The following BCLAF3 variants were observed in gnomAD, a reference collection of about 807,000 sequenced individuals.
BCLAF3 encodes transient octamer binding factor 1.
BCLAF3 carries 24 observed loss-of-function variants against 51.2 expected under a neutral mutation model. That is an observed-to-expected ratio of 0.47 (90% CI 0.34 to 0.66). The LOEUF (loss-of-function observed/expected upper bound fraction) is 0.66. BCLAF3 is among the 30% of genes least tolerant of loss of function. The pLI, the probability that BCLAF3 is intolerant of heterozygous loss-of-function variation, is 0.01. For missense variants in BCLAF3, 465 were observed against 525.1 expected, an observed-to-expected ratio of 0.89 and a Z score of 1.12; for synonymous variants, 152 against 176.6, an observed-to-expected ratio of 0.86 and a Z score of 1.10.
intron 9 of BCLAF3, 84 bp from the exon 10 acceptor site, chrX:19,935,982 TA>T: frequency 1.3e-6 from 1 of 768,403 alleles, no homozygotes; most frequent in Non-Finnish European, 2.0e-6. Context: ...AAACACATTT[TA>T]AATGTACAGG....
chrX:19,955,660 T>A (rs190090881), intron 4 of BCLAF3, 94 bp from the exon 5 acceptor site: 48 of 727,212 alleles, frequency 6.6e-5, no homozygotes, highest in Non-Finnish European at 8.0e-5. Flanking sequence ...ACTAGAAAGA[T>A]GTATATCTTT....
chrX:19,957,109 G>A (rs1447855148), intron 4 of BCLAF3, among the ~76,000 whole-genome samples: 1 of 111,650 alleles, frequency 9.0e-6, no homozygotes, highest in African/African-American at 3.3e-5. Context: ...GCGTTGCCAG[G>A]GTCAACTCCC....
intron 11 of BCLAF3, among the ~76,000 whole-genome samples, chrX:19,918,891 A>G (rs1008856781): frequency 3.6e-5 from 4 of 110,144 alleles, no homozygotes; most frequent in African/African-American, 1.3e-4. Flanking sequence ...AGCACTTCTT[A>G]TCTAGGTTTT....
At chrX:19,940,887 A>C (rs2071007057) in intron 8 of BCLAF3, among the ~76,000 whole-genome samples, 2 of 111,279 alleles carry the variant, frequency 1.8e-5, no homozygotes, top group Non-Finnish European at 3.8e-5. Context: ...AGTCCCACCA[A>C]CAGTGTAAAA....
intron 10 of BCLAF3, 39 bp from the exon 11 acceptor site, chrX:19,929,979 A>G (rs1290627249): frequency 8.5e-7 from 1 of 1,175,556 alleles, no homozygotes; most frequent in East Asian, 3.0e-5. Flanking sequence ...CTAAAACTAC[A>G]CCTTCCAAGT....
chrX:19,938,676 C>T (rs1421561762), intron 8 of BCLAF3, among the ~76,000 whole-genome samples: 6 of 112,762 alleles, frequency 5.3e-5, no homozygotes, highest in Non-Finnish European at 9.4e-5. Flanking sequence ...GGATTATAGG[C>T]GTGAGCCACC....
intron 1 of BCLAF3, among the ~76,000 whole-genome samples, chrX:19,989,147 AC>A (rs1462271705): frequency 6.4e-5 from 7 of 109,103 alleles, no homozygotes; most frequent in African/African-American, 2.4e-4. Flanking sequence ...AAAAAAAAAA[AC>A]CCTTATGTGC....
At chrX:19,949,262 CTT>C (rs1369988173) in intron 8 of BCLAF3, among the ~76,000 whole-genome samples, 1 of 111,742 alleles carries the variant, frequency 8.9e-6, no homozygotes, top group East Asian at 2.8e-4. Flanking sequence ...AAGTACAACT[CTT>C]ATCCCTATTT....
At chrX:19,981,531 C>G (rs555207437) in intron 1 of BCLAF3, among the ~76,000 whole-genome samples, 1 of 111,768 alleles carries the variant, frequency 8.9e-6, no homozygotes, top group African/African-American at 3.3e-5. Context: ...GCAGTTCCCC[C>G]ACAAGTTAAA....
chrX:19,984,558 A>G (rs1486556297), intron 1 of BCLAF3, among the ~76,000 whole-genome samples: 1 of 111,719 alleles, frequency 9.0e-6, no homozygotes, highest in African/African-American at 3.3e-5. Context: ...ATTACAAACA[A>G]TATGTCTGAT....
intron 8 of BCLAF3, among the ~76,000 whole-genome samples, chrX:19,948,062 C>T (rs765914666): frequency 1.8e-5 from 2 of 112,065 alleles, no homozygotes; most frequent in South Asian, 3.7e-4. Flanking sequence ...GAGTTGGCAA[C>T]GATGTGGAGC....
At chrX:19,981,978 T>C (rs950606173) in intron 1 of BCLAF3, among the ~76,000 whole-genome samples, 2 of 111,548 alleles carry the variant, frequency 1.8e-5, no homozygotes, top group African/African-American at 3.3e-5. Context: ...TCTATGAATA[T>C]ACTAAAAAAC....
At chrX:19,937,059 G>A (rs1457708660) in intron 9 of BCLAF3, among the ~76,000 whole-genome samples, 1 of 110,376 alleles carries the variant, frequency 9.1e-6, no homozygotes, top group Non-Finnish European at 1.9e-5. Flanking sequence ...TTTTTTTGTA[G>A]AGATGAGGTC....
intron 5 of BCLAF3, among the ~76,000 whole-genome samples, chrX:19,954,434 G>C (rs769821465): frequency 6.0e-4 from 67 of 112,118 alleles, no homozygotes; most frequent in Non-Finnish European, 9.6e-4. Context: ...CAGAGAAAGA[G>C]AATACACTTG....
intron 7 of BCLAF3, 35 bp from the exon 8 acceptor site, chrX:19,950,903 T>A (rs923915524): frequency 2.1e-6 from 2 of 971,704 alleles, no homozygotes; most frequent in African/African-American, 3.8e-5. Context: ...ACCATTCACA[T>A]TACTTTTAGT....
At chrX:19,956,667 A>G (rs761468817) in intron 4 of BCLAF3, among the ~76,000 whole-genome samples, 205 of 111,435 alleles carry the variant, frequency 1.8e-3, no homozygotes, top group Non-Finnish European at 3.2e-3. Flanking sequence ...GCTTGTACCT[A>G]TCTCATTCCT....
chrX:19,986,394 C>T (rs1447810327), intron 1 of BCLAF3, among the ~76,000 whole-genome samples: 1 of 112,058 alleles, frequency 8.9e-6, no homozygotes, highest in East Asian at 2.8e-4. Context: ...AATCTTCAAA[C>T]ACGAGATAGC....
At chrX:19,954,162 GCTCT>G in intron 5 of BCLAF3, 3 of 753,951 alleles carry the variant, frequency 4.0e-6, no homozygotes, top group Non-Finnish European at 4.7e-6. Flanking sequence ...AAAGACAATG[GCTCT>G]CTCAAAGCAA....
At chrX:19,968,182 C>T (rs186211683) in intron 2 of BCLAF3, among the ~76,000 whole-genome samples, 2 of 112,647 alleles carry the variant, frequency 1.8e-5, no homozygotes, top group African/African-American at 6.4e-5. Flanking sequence ...AAGAAGTTTG[C>T]TGGAACAGTT....
Sources: gnomAD v4.1 joint callset for allele counts (sites outside exome capture counted in the v4.1 genomes callset) on GRCh38, gnomAD v4.1.1 for gene constraint, MANE v1.5 for transcripts, NCBI Gene and HGNC (gene_info 2026-07-23, HGNC 2026-07-21) for gene names.